RAPGEF1: variants seen among roughly 807,000 people sequenced by gnomAD.
The protein encoded by RAPGEF1 is Rap guanine nucleotide exchange factor 1.
In RAPGEF1, 33 loss-of-function variants were observed where a neutral mutation model predicts 143.3. The ratio of observed to expected loss-of-function variants is 0.23; its 90% CI spans 0.17 to 0.31. The LOEUF is 0.31. Ranked by LOEUF, RAPGEF1 falls within the 10% of genes least tolerant of loss-of-function variation. The pLI, the probability that RAPGEF1 is intolerant of heterozygous loss-of-function variation, is 1.00. For missense variants in RAPGEF1, 1,199 were observed against 1,645.4 expected, an observed-to-expected ratio of 0.73 and a Z score of 4.69; for synonymous variants, 629 against 676.5, an observed-to-expected ratio of 0.93 and a Z score of 1.09.
chr9:131,642,387 G>A (rs895965673), intron 4 of RAPGEF1, among the ~76,000 whole-genome samples: 3 of 152,160 alleles, frequency 2.0e-5, no homozygotes, highest in Non-Finnish European at 2.9e-5. Flanking sequence ...CACCCTACCC[G>A]ACTGGCTCTA....
chr9:131,602,072 G>A lies in RAPGEF1; in HGVS notation c.2490C>T (p.Asp830=), dbSNP rs563481067. 2.7e-5 allele frequency: 43 copies of A among 1,600,964 alleles called. No homozygotes were observed. In the African/African-American group the frequency reaches 3.1e-4, roughly 11 times the overall value. ...VSGVPGKDSR[D]GSERAPKSPD... is the part of the protein sequence containing the mutation. ...GGTCCACTTCCTACCTCTCACTGCC[G>A]TCTCTGCTGTCCTTCCCAGGGACGC... Residue 830 remains aspartate (D), a synonymous_variant, in exon 15 of 27, where the codon GAC becomes GAT. Transcript: ENST00000683357.
chr9:131,604,118 G>A (rs1196657369), intron 13 of RAPGEF1, 65 bp from the exon 14 acceptor site: 2 of 1,015,826 alleles, frequency 2.0e-6, no homozygotes, highest in Non-Finnish European at 2.7e-6. Context: ...CTCACAGCTG[G>A]CCAGGGGATG....
chr9:131,705,048 TGTTA>T (rs1834947341), intron 1 of RAPGEF1, among the ~76,000 whole-genome samples: 1 of 152,224 alleles, frequency 6.6e-6, no homozygotes, highest in Admixed American at 6.5e-5. Flanking sequence ...CATTCTCCAG[TGTTA>T]CTACTTTGGG....
At chr9:131,634,101 A>G (rs1413239304) in intron 5 of RAPGEF1, among the ~76,000 whole-genome samples, 1 of 152,126 alleles carries the variant, frequency 6.6e-6, no homozygotes, top group East Asian at 1.9e-4. Context: ...GCCTCTACAA[A>G]AATTAGTTGG....
chr9:131,653,069 T>C (rs1293558891), intron 1 of RAPGEF1, among the ~76,000 whole-genome samples: 1 of 152,356 alleles, frequency 6.6e-6, no homozygotes, highest in Admixed American at 6.5e-5. Context: ...AATGTCGTTA[T>C]GCAGAGCATG....
intron 1 of RAPGEF1, 133 bp from the exon 2 acceptor site, chr9:131,651,082 C>T (rs2133449033): frequency 2.7e-6 from 3 of 1,122,616 alleles, no homozygotes; most frequent in Middle Eastern, 2.4e-4. Context: ...AGGGAAAGGA[C>T]GTATGGATCC....
At chr9:131,710,581 T>C (rs959491225) in intron 1 of RAPGEF1, among the ~76,000 whole-genome samples, 1 of 152,086 alleles carries the variant, frequency 6.6e-6, no homozygotes, top group Non-Finnish European at 1.5e-5. Context: ...CCCCACAGCA[T>C]AATATGGGTA....
intron 1 of RAPGEF1, among the ~76,000 whole-genome samples, chr9:131,733,972 TC>T (rs1258487468): frequency 6.6e-6 from 1 of 152,234 alleles, no homozygotes; most frequent in Non-Finnish European, 1.5e-5. Flanking sequence ...GGTTGATTTT[TC>T]TAAAAACACA....
At chr9:131,657,438 T>G (rs1358033911) in intron 1 of RAPGEF1, among the ~76,000 whole-genome samples, 1 of 152,272 alleles carries the variant, frequency 6.6e-6, no homozygotes, top group African/African-American at 2.4e-5. Context: ...TATATGCGTC[T>G]CTTTAGTAAT....
At chr9:131,640,723 C>A (rs1045438678) in intron 4 of RAPGEF1, among the ~76,000 whole-genome samples, 10 of 152,092 alleles carry the variant, frequency 6.6e-5, no homozygotes, top group African/African-American at 2.4e-4. Context: ...GAGGTGAGGG[C>A]GGCAAAGGGC....
chr9:131,595,488 G>A (rs1272107344), intron 17 of RAPGEF1, among the ~76,000 whole-genome samples: 1 of 152,184 alleles, frequency 6.6e-6, no homozygotes, highest in Non-Finnish European at 1.5e-5. Flanking sequence ...TCAAGGTGGG[G>A]GTGTTTTCAT....
intron 16 of RAPGEF1, 35 bp downstream of exon 16, chr9:131,598,164 C>A (rs1453944714): frequency 3.8e-6 from 6 of 1,571,920 alleles, no homozygotes; most frequent in Non-Finnish European, 5.2e-6. Context: ...CTCTGTGGGG[C>A]CAGGCTGCAA....
chr9:131,625,558 C>T (rs1378101359), intron 10 of RAPGEF1, among the ~76,000 whole-genome samples: 1 of 152,118 alleles, frequency 6.6e-6, no homozygotes, highest in Non-Finnish European at 1.5e-5. Context: ...ACGTATCCAC[C>T]TCGCTCTACA....
chr9:131,608,571 C>T (rs755091173), intron 12 of RAPGEF1, among the ~76,000 whole-genome samples: 3 of 152,158 alleles, frequency 2.0e-5, no homozygotes, highest in Admixed American at 6.5e-5. Flanking sequence ...CAAGGAGAGT[C>T]GGCCTCTCTT....
intron 1 of RAPGEF1, among the ~76,000 whole-genome samples, chr9:131,671,715 C>T (rs1023030488): frequency 6.6e-6 from 1 of 152,044 alleles, no homozygotes; most frequent in African/African-American, 2.4e-5. Flanking sequence ...GCAGACGGTG[C>T]AGGATCTGGC....
intron 1 of RAPGEF1, among the ~76,000 whole-genome samples, chr9:131,698,994 G>A (rs1018698740): frequency 2.0e-5 from 3 of 152,174 alleles, no homozygotes; most frequent in East Asian, 1.9e-4. Flanking sequence ...CTTCTCTCTC[G>A]TCCGGCAATT....
intron 12 of RAPGEF1, among the ~76,000 whole-genome samples, chr9:131,607,237 G>A (rs1266186435): frequency 6.6e-6 from 1 of 152,162 alleles, no homozygotes; most frequent in South Asian, 2.1e-4. Flanking sequence ...GAACACTCAG[G>A]TACCTGTACA....
intron 12 of RAPGEF1, 53 bp downstream of exon 12, chr9:131,618,997 AG>A: frequency 3.1e-6 from 4 of 1,309,012 alleles, no homozygotes; most frequent in Non-Finnish European, 4.0e-6. Context: ...CACGCTTCCA[AG>A]GAACGGCCCT....
chr9:131,681,791 G>GA lies in RAPGEF1; in HGVS notation c.62-30843dup, dbSNP rs549581085. ...TAGAGGAGTGTGCATTAGAGCTGGG[G>GA]AAAAAATCACTTCAAGTGGAGAACA... On this transcript the variant is annotated intron_variant, in intron 1 of 26. Coordinates refer to ENST00000683357, the MANE Select transcript of RAPGEF1 (RefSeq NM_001377935.1). 7.2e-5 allele frequency among the ~76,000 whole-genome samples: 11 copies of GA among 152,190 alleles called. 1 individual carries two copies. Among genetic ancestry groups the GA allele is most frequent in the South Asian group, 4.2e-4 (2 of 4,818 alleles).
Sources: allele counts gnomAD v4.1 joint callset (sites outside exome capture counted in the v4.1 genomes callset), GRCh38; gene constraint gnomAD v4.1.1; transcripts MANE v1.5; gene names NCBI Gene and HGNC (gene_info 2026-07-23, HGNC 2026-07-21).